The following STYXL1 variants were observed in gnomAD, a reference collection of about 807,000 sequenced individuals.
STYXL1 encodes the protein serine/threonine/tyrosine-interacting-like protein 1.
Under a neutral mutation model 36.4 loss-of-function variants are expected in STYXL1, and 32 were observed. That is an observed-to-expected ratio of 0.88 (90% CI 0.66 to 1.18). The LOEUF (loss-of-function observed/expected upper bound fraction) is 1.18. STYXL1 is among the 50% of genes most tolerant of loss of function. The pLI is 0.00. For missense variants in STYXL1, 354 were observed against 394.1 expected (o/e 0.90, Z 0.86); for synonymous variants, 133 against 144.1 (o/e 0.92, Z 0.55).
At chr7:76,041,035 C>T (rs187556465) in intron 1 of STYXL1, among the ~76,000 whole-genome samples, 63 of 151,004 alleles carry the variant, frequency 4.2e-4, no homozygotes, top group Non-Finnish European at 7.7e-4. Context: ...CCAAAAGGAG[C>T]GGTTTAAAAT....
rs1203153576 is a variant in STYXL1 at position 76,046,325 on chromosome 7, TGTGTGTGTGTGTGTGCGCGCGCGCGC to T, written c.-5+1311_-5+1336del. On this transcript the variant is annotated intron_variant, in intron 1 of 8. Transcript: ENST00000359697. The stretch of plus-strand genomic sequence containing the variant: ...GTGTGTGTGTGTGTGTGTGTGTGTG[TGTGTGTGTGTGTGTGCGCGCGCGCGC>T]GCGCGCGCTTTTGAGCCGGAGTTTA... 9.5e-3 allele frequency among the ~76,000 whole-genome samples: 178 copies of T among 18,788 alleles called. 2 individuals are homozygous for T. Among genetic ancestry groups the T allele is most frequent in the African/African-American group, 0.026 (141 of 5,482 alleles). The allele number at this position is 18,788 out of a possible 152,430, so 12.3% of individuals were successfully genotyped here.
intron 2 of STYXL1, among the ~76,000 whole-genome samples, chr7:76,029,383 T>C (rs967511765): frequency 3.3e-5 from 5 of 151,832 alleles, no homozygotes; most frequent in Admixed American, 6.6e-5. Flanking sequence ...CTGACCTCAG[T>C]TGATCCGCCC....
rs1162665568 is a variant in STYXL1, at chr7:76,047,904, G to T, written c.-247C>A. Reference sequence around the variant, plus strand: ...ACTGGCCCTCCCACTCCGACCGCAGGTCCCCCACCGGCCACACAGACGGCT... The same window carrying T: ...ACTGGCCCTCCCACTCCGACCGCAGTTCCCCCACCGGCCACACAGACGGCT... On this transcript the variant is annotated 5_prime_UTR_variant, in exon 1 of 9. Transcript: ENST00000359697. 7.1e-7 allele frequency: 1 copy of T among 1,415,004 alleles called. No homozygotes were observed. Among genetic ancestry groups the T allele is most frequent in the Non-Finnish European group, 9.2e-7 (1 of 1,085,938 alleles). The allele number at this position is 1,415,004 out of a possible 1,614,324, so 87.7% of individuals were successfully genotyped here. A position where few individuals can be genotyped will look rare whatever the true frequency, so the allele number is the denominator to read the frequency against.
chr7:76,029,864 G>C (rs902926917), intron 2 of STYXL1, among the ~76,000 whole-genome samples: 2 of 152,170 alleles, frequency 1.3e-5, no homozygotes, highest in Non-Finnish European at 2.9e-5. Context: ...TAATGCAAGC[G>C]ATGGGGAGTG....
At chr7:76,025,314 A>T (rs4728548) in intron 3 of STYXL1, among the ~76,000 whole-genome samples, 99,703 of 151,266 alleles carry the variant, frequency 0.66, 33,359 homozygotes, top group Middle Eastern at 0.75. Context: ...AAATAAAAAT[A>T]AAAATTAAAA....
intron 5 of STYXL1, among the ~76,000 whole-genome samples, chr7:76,007,846 T>C (rs1791984110): frequency 6.7e-6 from 1 of 150,140 alleles, no homozygotes; most frequent in African/African-American, 2.5e-5. Context: ...CCACAGGAGT[T>C]TGAGGTTACA....
At chr7:76,005,885 G>A (rs139957918) in intron 5 of STYXL1, among the ~76,000 whole-genome samples, 1,426 of 116,178 alleles carry the variant, frequency 0.012, 25 homozygotes, top group African/African-American at 0.038. Context: ...GGAGGAGAGA[G>A]GAGGAGGAGG....
chr7:76,032,951 G>T (rs2116356828), intron 1 of STYXL1, among the ~76,000 whole-genome samples: 1 of 152,154 alleles, frequency 6.6e-6, no homozygotes, highest in South Asian at 2.1e-4. Flanking sequence ...TGGCTCCTTT[G>T]ATGACACTGC....
chr7:76,037,372 G>A (rs782481268), intron 1 of STYXL1, among the ~76,000 whole-genome samples: 2 of 150,362 alleles, frequency 1.3e-5, no homozygotes, highest in Non-Finnish European at 3.0e-5. Flanking sequence ...CCAGGGGTTC[G>A]TGGGTGGCTC....
At chr7:76,009,007 C>A (rs553445607) in intron 5 of STYXL1, among the ~76,000 whole-genome samples, 12 of 151,542 alleles carry the variant, frequency 7.9e-5, no homozygotes, top group Admixed American at 6.6e-5. Flanking sequence ...CAAAAAAAAA[C>A]CAAAACAAAA....
intron 1 of STYXL1, among the ~76,000 whole-genome samples, chr7:76,047,008 T>C (rs1256817058): frequency 6.6e-6 from 1 of 150,984 alleles, no homozygotes; most frequent in African/African-American, 2.4e-5. Flanking sequence ...ACGCCTGTAA[T>C]CTCAGCACTT....
rs1563459310 is a variant in STYXL1 at position 76,001,075 on chromosome 7, G to A, written c.698-73C>T. The A allele has an allele frequency of 3.6e-6, 4 of 1,109,180 alleles. No individual in the cohort carries two copies. In the East Asian group the frequency reaches 9.4e-5, roughly 26 times the overall value. 68.7% of individuals were successfully genotyped at this position (1,109,180 alleles called of 1,614,324 possible). On this transcript the variant is annotated intron_variant, in intron 7 of 8. Coordinates refer to ENST00000359697, the MANE Select transcript of STYXL1 (RefSeq NM_001317785.2). ...TGGGCCTGGGTTGCTGTCAGACACT[G>A]GCCTCCATGGGCCCGTGGTCCAAGC...
At chr7:76,034,678 C>T (rs1172186214) in intron 1 of STYXL1, among the ~76,000 whole-genome samples, 1 of 152,186 alleles carries the variant, frequency 6.6e-6, no homozygotes, top group Non-Finnish European at 1.5e-5. Flanking sequence ...GGGGAGCTGG[C>T]CTGTGCACTG....
chr7:76,021,332 C>T (rs557409246), intron 4 of STYXL1, among the ~76,000 whole-genome samples: 11 of 152,246 alleles, frequency 7.2e-5, no homozygotes, highest in Non-Finnish European at 1.5e-4. Flanking sequence ...CCGCCCGCCT[C>T]GGCCTCCCAA....
chr7:76,028,388 C>A (rs762615306), intron 3 of STYXL1, among the ~76,000 whole-genome samples: 97 of 152,094 alleles, frequency 6.4e-4, no homozygotes, highest in Non-Finnish European at 1.3e-3. Context: ...GCACTCCAGC[C>A]TGGATGACAG....
In STYXL1 at chr7:76,038,344, C is replaced by T. The variant is rs968075830; in HGVS notation, c.-4-7817G>A. 7.4e-5 allele frequency among the ~76,000 whole-genome samples: 11 copies of T among 149,460 alleles called. 1 individual carries two copies. The highest frequency in any genetic ancestry group is 1.2e-4 in the Non-Finnish European group (8 of 66,928). On this transcript the variant is annotated intron_variant, in intron 1 of 8. Coordinates refer to ENST00000359697, the MANE Select transcript of STYXL1 (RefSeq NM_001317785.2). The stretch of plus-strand genomic sequence containing the variant: ...GGGATGACATGAGCCTCTCCTCTGT[C>T]GTCCCAGAAAAACCTCCCTACTCGT...
chr7:76,003,295 A>C (rs2116770961), intron 7 of STYXL1, among the ~76,000 whole-genome samples: 1 of 152,352 alleles, frequency 6.6e-6, no homozygotes, highest in South Asian at 2.1e-4. Context: ...AAACAAAAAC[A>C]AAGAAAATCT....
intron 5 of STYXL1, among the ~76,000 whole-genome samples, chr7:76,011,551 C>T (rs1269589444): frequency 6.6e-6 from 1 of 152,228 alleles, no homozygotes; most frequent in Non-Finnish European, 1.5e-5. Flanking sequence ...ATGGAATCTG[C>T]TCACGATGTT....
intron 2 of STYXL1, among the ~76,000 whole-genome samples, chr7:76,029,777 A>T (rs940567222): frequency 1.3e-5 from 2 of 152,134 alleles, no homozygotes; most frequent in African/African-American, 4.8e-5. Context: ...CCTTGAATGC[A>T]CACTTCACAG....
Sources: allele counts gnomAD v4.1 joint callset (sites outside exome capture counted in the v4.1 genomes callset), GRCh38; gene constraint gnomAD v4.1.1; transcripts MANE v1.5; gene names NCBI Gene and HGNC (gene_info 2026-07-23, HGNC 2026-07-21).